Variants in A1CF observed in about 807,000 individuals in gnomAD.
A1CF encodes APOBEC1 complementation factor, also known as APOBEC-1 stimulating protein.
A neutral mutation model predicts 68.9 loss-of-function variants in A1CF; 48 were observed. The observed-to-expected ratio is 0.70, with a 90% CI of 0.55 to 0.89. The LOEUF (loss-of-function observed/expected upper bound fraction) is 0.89. Ranked by LOEUF, A1CF falls within the 40% of genes least tolerant of loss-of-function variation. The pLI is 0.00. For synonymous variants in A1CF, 272 were observed against 260.4 expected (o/e 1.04, Z -0.43); for missense variants, 653 against 718.9 (o/e 0.91, Z 1.05).
intron 3 of A1CF, among the ~76,000 whole-genome samples, chr10:50,852,262 G>C (rs1056721128): frequency 3.3e-5 from 5 of 152,168 alleles, no homozygotes; most frequent in African/African-American, 1.2e-4. Flanking sequence ...GGCTATTCGA[G>C]GAGAAATTCA....
chr10:50,873,786 G>A (rs1472948514), intron 1 of A1CF, among the ~76,000 whole-genome samples: 1 of 151,970 alleles, frequency 6.6e-6, no homozygotes, highest in Non-Finnish European at 1.5e-5. Flanking sequence ...GTCCTAAGTA[G>A]AGTAAATTAA....
intron 1 of A1CF, among the ~76,000 whole-genome samples, chr10:50,868,435 A>AT (rs1352130123): frequency 6.6e-6 from 1 of 152,232 alleles, no homozygotes; most frequent in African/African-American, 2.4e-5. Context: ...GTCATGGATC[A>AT]TGAGCCATAG....
chr10:50,868,086 A>C (rs1051362835), intron 1 of A1CF, among the ~76,000 whole-genome samples: 2 of 152,184 alleles, frequency 1.3e-5, no homozygotes, highest in East Asian at 1.9e-4. Context: ...GACCTCTCCA[A>C]ACTGAACCTA....
At chr10:50,849,180 G>A (rs1589017019) in intron 3 of A1CF, among the ~76,000 whole-genome samples, 1 of 152,006 alleles carries the variant, frequency 6.6e-6, no homozygotes. Flanking sequence ...AGTTTTTGTT[G>A]CCTGAGAACA....
intron 8 of A1CF, among the ~76,000 whole-genome samples, chr10:50,818,705 G>A (rs1005282583): frequency 6.6e-6 from 1 of 152,142 alleles, no homozygotes; most frequent in African/African-American, 2.4e-5. Context: ...ATGTATTTAT[G>A]CATTAGTTTT....
At position 50,801,724 on chromosome 10, in the gene A1CF, G is replaced by A. The variant is rs1744124178; in HGVS notation, c.*5005C>T. ...CTTCTTGAATTTCTCTCTCAAAATA[G>A]GAGAAAAGTCTGTAAGGGGGAGGTA... On this transcript the variant is annotated 3_prime_UTR_variant, in exon 13 of 13. Transcript: ENST00000373997. 1 of 152,128 alleles carries A rather than the reference G, an allele frequency of 6.6e-6. No individual in the cohort carries two copies. Among genetic ancestry groups the A allele is most frequent in the Admixed American group, 6.5e-5 (1 of 15,280 alleles). The allele number at this position is 152,128 out of a possible 1,614,324, so 9.4% of individuals were successfully genotyped here.
chr10:50,877,866 T>C (rs1321730796), intron 1 of A1CF, among the ~76,000 whole-genome samples: 1 of 152,230 alleles, frequency 6.6e-6, no homozygotes, highest in East Asian at 1.9e-4. Context: ...CTCACGCCTG[T>C]AATCCCCCCA....
At chr10:50,812,634 G>A (rs569682538) in intron 10 of A1CF, among the ~76,000 whole-genome samples, 1 of 152,228 alleles carries the variant, frequency 6.6e-6, no homozygotes, top group African/African-American at 2.4e-5. Context: ...TTTAACCTAA[G>A]AGAAACTGGA....
intron 3 of A1CF, among the ~76,000 whole-genome samples, chr10:50,852,353 C>A (rs1173394096): frequency 6.6e-6 from 1 of 152,186 alleles, no homozygotes; most frequent in Non-Finnish European, 1.5e-5. Context: ...TGGGCACACA[C>A]CCCCTCCACA....
rs372055102 is a variant in A1CF at position 50,832,955 on chromosome 10, C to A, written c.604+3119G>T. On this transcript the variant is annotated intron_variant, in intron 6 of 12. Coordinates refer to ENST00000373997, the MANE Select transcript of A1CF (RefSeq NM_014576.4). ...GCTTAATAAATATTTACTGACTGAG[C>A]AGTTCCCAGGTATTCCTATTTACAT... 1.4e-4 allele frequency among the ~76,000 whole-genome samples: 21 copies of A among 152,168 alleles called. No individual in the cohort carries two copies. In the South Asian group the frequency reaches 3.9e-3, roughly 29 times the overall value.
At chr10:50,819,781 G>A (rs16909555) in intron 8 of A1CF, among the ~76,000 whole-genome samples, 18 of 151,964 alleles carry the variant, frequency 1.2e-4, no homozygotes, top group South Asian at 1.0e-3. Context: ...CCCAATTTTC[G>A]TGGCTTCTCT....
At chr10:50,827,245 A>T (rs189171655) in intron 7 of A1CF, among the ~76,000 whole-genome samples, 2 of 152,294 alleles carry the variant, frequency 1.3e-5, no homozygotes, top group East Asian at 3.9e-4. Flanking sequence ...GTTAACAAGG[A>T]TATTCAGGAA....
At chr10:50,857,653 T>C (rs1004381849) in intron 3 of A1CF, among the ~76,000 whole-genome samples, 1 of 152,194 alleles carries the variant, frequency 6.6e-6, no homozygotes, top group African/African-American at 2.4e-5. Context: ...TTCCCTGCCT[T>C]TGTGTTTGGG....
intron 1 of A1CF, among the ~76,000 whole-genome samples, chr10:50,876,950 T>C (rs1841543203): frequency 6.6e-6 from 1 of 152,242 alleles, no homozygotes. Context: ...CACGTAACTC[T>C]GTTTTTGTGC....
At chr10:50,814,122 A>G in intron 9 of A1CF, 84 bp from the exon 10 acceptor site, 1 of 1,510,536 alleles carries the variant, frequency 6.6e-7, no homozygotes, top group South Asian at 1.2e-5. Context: ...CCTGAATCTT[A>G]CTGTAATGGA....
Position 50,799,988 on chromosome 10 carries a change from T to C in A1CF, c.*6741A>G, listed in dbSNP as rs1418476357. The stretch of plus-strand genomic sequence containing the variant: ...TCTGTAGTCTGTGTGCCCAAAGATA[T>C]CTTAGGAATTATAAAGAAAATGCCA... On this transcript the variant is annotated 3_prime_UTR_variant, in exon 13 of 13. Transcript: ENST00000373997. 3.3e-5 allele frequency: 5 copies of C among 152,082 alleles called. No individual in the cohort carries two copies. The highest frequency in any genetic ancestry group is 9.7e-5 in the African/African-American group (4 of 41,432). The allele number at this position is 152,082 out of a possible 1,614,324, so 9.4% of individuals were successfully genotyped here. A position where few individuals can be genotyped will look rare whatever the true frequency, so the allele number is the denominator to read the frequency against.
intron 3 of A1CF, among the ~76,000 whole-genome samples, chr10:50,850,082 G>T (rs754365966): frequency 1.3e-5 from 2 of 152,068 alleles, no homozygotes; most frequent in African/African-American, 2.4e-5. Flanking sequence ...AGATGCAAAT[G>T]GCTCTTGGCT....
intron 9 of A1CF, among the ~76,000 whole-genome samples, chr10:50,815,670 C>T (rs1000853459): frequency 1.3e-5 from 2 of 152,064 alleles, no homozygotes; most frequent in African/African-American, 4.8e-5. Flanking sequence ...TGTAATGAGC[C>T]ACAGATGACT....
intron 1 of A1CF, among the ~76,000 whole-genome samples, chr10:50,868,778 A>G (rs943734703): frequency 6.6e-6 from 1 of 152,202 alleles, no homozygotes; most frequent in Non-Finnish European, 1.5e-5. Flanking sequence ...TTACACTGAA[A>G]TTTCAGTTCT....
Sources: gnomAD v4.1 joint callset for allele counts (sites outside exome capture counted in the v4.1 genomes callset) on GRCh38, gnomAD v4.1.1 for gene constraint, MANE v1.5 for transcripts, NCBI Gene and HGNC (gene_info 2026-07-23, HGNC 2026-07-21) for gene names.